Variants in STX8 observed in about 807,000 individuals in gnomAD.
STX8 encodes the protein syntaxin 8.
Under a neutral mutation model 37.5 loss-of-function variants are expected in STX8, and 23 were observed. The ratio of observed to expected loss-of-function variants is 0.61; its 90% CI spans 0.44 to 0.87. STX8 has a LOEUF of 0.87. Ranked by LOEUF, STX8 falls within the 40% of genes least tolerant of loss-of-function variation. The pLI is 0.00. For missense variants in STX8, 313 were observed against 284.7 expected (o/e 1.10, Z -0.71); for synonymous variants, 115 against 99.1 (o/e 1.16, Z -0.95).
intron 7 of STX8, among the ~76,000 whole-genome samples, chr17:9,282,659 C>G (rs1008896100): frequency 6.6e-6 from 1 of 152,188 alleles, no homozygotes; most frequent in African/African-American, 2.4e-5. Context: ...TCTTATAACT[C>G]AGACTTAGCT....
chr17:9,307,455 G>C (rs986079708), intron 7 of STX8, among the ~76,000 whole-genome samples: 1 of 152,148 alleles, frequency 6.6e-6, no homozygotes, highest in African/African-American at 2.4e-5. Flanking sequence ...AGGTCAAAAG[G>C]CTAAAGCTGG....
chr17:9,545,620 G>A (rs1430633910), intron 3 of STX8, among the ~76,000 whole-genome samples: 2 of 152,074 alleles, frequency 1.3e-5, no homozygotes, highest in East Asian at 1.9e-4. Flanking sequence ...TCGCTCTGTC[G>A]CCCAGGCTGG....
intron 2 of STX8, among the ~76,000 whole-genome samples, chr17:9,562,679 A>T (rs2151917142): frequency 6.6e-6 from 1 of 152,142 alleles, no homozygotes; most frequent in African/African-American, 2.4e-5. Context: ...ATTATATGAG[A>T]AATACAAATT....
chr17:9,334,026 A>G (rs1910057029), intron 7 of STX8, among the ~76,000 whole-genome samples: 1 of 152,064 alleles, frequency 6.6e-6, no homozygotes, highest in African/African-American at 2.4e-5. Context: ...AGGTTTTAAA[A>G]AACAATTTGG....
chr17:9,417,388 A>G (rs1913239705), intron 6 of STX8, among the ~76,000 whole-genome samples: 1 of 152,108 alleles, frequency 6.6e-6, no homozygotes, highest in South Asian at 2.1e-4. Context: ...AATCACCTAG[A>G]GGAGCTTTAA....
intron 1 of STX8, among the ~76,000 whole-genome samples, chr17:9,568,989 G>A (rs573828187): frequency 4.4e-4 from 67 of 152,294 alleles, no homozygotes; most frequent in African/African-American, 1.6e-3. Flanking sequence ...AAACAGGAAC[G>A]CTATGAAGTG....
In STX8 at chr17:9,388,955, A is replaced by G. The variant is rs368229327; in HGVS notation, c.542-10302T>C. On this transcript the variant is annotated intron_variant, in intron 6 of 7. Coordinates refer to ENST00000306357, the MANE Select transcript of STX8 (RefSeq NM_004853.3). ...ATGGTTACAAAATATTCATTCCATAAAATAACCATTCCTTAAATAATAGCC... is the reference window on the plus strand; with the variant it reads ...ATGGTTACAAAATATTCATTCCATAGAATAACCATTCCTTAAATAATAGCC... Among the ~76,000 whole-genome samples the G allele has an allele frequency of 2.6e-5, 4 of 152,348 alleles. No homozygotes were observed. The East Asian group carries it at 7.7e-4, about 29-fold the overall frequency.
At chr17:9,348,883 C>T (rs1417432953) in intron 7 of STX8, among the ~76,000 whole-genome samples, 5 of 152,306 alleles carry the variant, frequency 3.3e-5, no homozygotes, top group Admixed American at 6.5e-5. Context: ...ATACATTAAT[C>T]GTCCCTTATG....
chr17:9,337,160 T>C (rs972150281), intron 7 of STX8, among the ~76,000 whole-genome samples: 1 of 152,108 alleles, frequency 6.6e-6, no homozygotes, highest in South Asian at 2.1e-4. Flanking sequence ...CAGGAAAATA[T>C]ACATCCATTT....
chr17:9,351,901 C>T (rs1167987336), intron 7 of STX8, among the ~76,000 whole-genome samples: 8 of 152,006 alleles, frequency 5.3e-5, no homozygotes, highest in Non-Finnish European at 1.0e-4. Flanking sequence ...GTAATCCTAG[C>T]GCTTTGGGAG....
intron 7 of STX8, among the ~76,000 whole-genome samples, chr17:9,272,158 A>T (rs560182900): frequency 6.6e-6 from 1 of 152,350 alleles, no homozygotes; most frequent in South Asian, 2.1e-4. Context: ...TGTGGGACCA[A>T]CAGCAGCAGC....
At chr17:9,538,524 A>C (rs1405539133) in intron 4 of STX8, among the ~76,000 whole-genome samples, 2 of 152,198 alleles carry the variant, frequency 1.3e-5, no homozygotes, top group African/African-American at 2.4e-5. Flanking sequence ...TTGGCTACCG[A>C]TATACTGATA....
chr17:9,438,422 C>T (rs1365199203), intron 6 of STX8, among the ~76,000 whole-genome samples: 1 of 151,756 alleles, frequency 6.6e-6, no homozygotes, highest in Non-Finnish European at 1.5e-5. Flanking sequence ...TCAGGTCCCA[C>T]CTTGGCCCTC....
At position 9,568,742 on chromosome 17, in the gene STX8, C is replaced by T. The variant is rs151045658; in HGVS notation, c.18-272G>A. On this transcript the variant is annotated intron_variant, in intron 1 of 7. Transcript: ENST00000306357. Reference sequence around the variant, plus strand: ...GTCTCGATCTCCTGACCTCGTGATCCGCCCCCTCGGCCTCCCAAAGTGCTG... The same window carrying T: ...GTCTCGATCTCCTGACCTCGTGATCTGCCCCCTCGGCCTCCCAAAGTGCTG... 8.5e-4 allele frequency among the ~76,000 whole-genome samples: 130 copies of T among 152,200 alleles called. 3 individuals are homozygous for T. In the East Asian group the frequency reaches 0.021, roughly 25 times the overall value.
chr17:9,412,192 C>T (rs1913003260), intron 6 of STX8, among the ~76,000 whole-genome samples: 1 of 152,088 alleles, frequency 6.6e-6, no homozygotes, highest in Non-Finnish European at 1.5e-5. Flanking sequence ...AATAAGAAAG[C>T]TCTTTGCATT....
intron 7 of STX8, among the ~76,000 whole-genome samples, chr17:9,369,088 A>G (rs1338603416): frequency 6.6e-6 from 1 of 152,166 alleles, no homozygotes; most frequent in Non-Finnish European, 1.5e-5. Flanking sequence ...GCCCAGTCCT[A>G]TCTACATTTT....
intron 6 of STX8, among the ~76,000 whole-genome samples, chr17:9,445,741 T>A (rs1297308128): frequency 6.6e-6 from 1 of 152,110 alleles, no homozygotes; most frequent in African/African-American, 2.4e-5. Flanking sequence ...TTTTAAACCA[T>A]GAAGATACAT....
chr17:9,458,423 A>C lies in STX8; in HGVS notation c.541+33406T>G, dbSNP rs542356235. Reference sequence around the variant, plus strand: ...CTTGGCCTCCCAAAGTGCTGGGATTACAGGCGTGAGCCACCGTGCCCTGCC... The same window carrying C: ...CTTGGCCTCCCAAAGTGCTGGGATTCCAGGCGTGAGCCACCGTGCCCTGCC... On this transcript the variant is annotated intron_variant, in intron 6 of 7. Coordinates refer to ENST00000306357, the MANE Select transcript of STX8 (RefSeq NM_004853.3). Among the ~76,000 whole-genome samples the C allele has an allele frequency of 4.6e-5, 7 of 152,100 alleles. No individual in the cohort carries two copies. The South Asian group carries it at 1.0e-3, about 23-fold the overall frequency.
chr17:9,512,355 G>A (rs1473471163), intron 4 of STX8, among the ~76,000 whole-genome samples: 1 of 152,136 alleles, frequency 6.6e-6, no homozygotes, highest in East Asian at 1.9e-4. Context: ...CAAAGCTGTA[G>A]TAATGTACTA....
Sources: allele counts gnomAD v4.1 joint callset (sites outside exome capture counted in the v4.1 genomes callset), GRCh38; gene constraint gnomAD v4.1.1; transcripts MANE v1.5; gene names NCBI Gene and HGNC (gene_info 2026-07-23, HGNC 2026-07-21).